KCNAB1: variants seen among roughly 807,000 people sequenced by gnomAD.
KCNAB1 encodes the protein potassium voltage-gated channel subfamily A regulatory beta subunit 1, also known as voltage-gated potassium channel subunit beta-1.
Under a neutral mutation model 64.6 loss-of-function variants are expected in KCNAB1, and 35 were observed. The ratio of observed to expected loss-of-function variants is 0.54; its 90% CI spans 0.41 to 0.72. The LOEUF is 0.72. Ranked by LOEUF, KCNAB1 falls within the 30% of genes least tolerant of loss-of-function variation. KCNAB1 has a pLI of 0.00. For synonymous variants in KCNAB1, 177 were observed against 183.8 expected (o/e 0.96, Z 0.30); for missense variants, 401 against 512.9 (o/e 0.78, Z 2.11).
intron 2 of KCNAB1, among the ~76,000 whole-genome samples, chr3:156,444,366 T>C (rs1576875288): frequency 6.6e-6 from 1 of 152,232 alleles, no homozygotes; most frequent in Non-Finnish European, 1.5e-5. Context: ...GGGATTCTAA[T>C]GCACCCTGAA....
At chr3:156,149,127 C>T (rs1715235853) in intron 1 of KCNAB1, among the ~76,000 whole-genome samples, 2 of 152,144 alleles carry the variant, frequency 1.3e-5, no homozygotes, top group African/African-American at 4.8e-5. Flanking sequence ...CATTAGCTTG[C>T]CCCAGTGTCC....
rs557280479 is a variant in KCNAB1, at chr3:156,527,087, A to T, written c.1081+3140A>T. Among the ~76,000 whole-genome samples the T allele has an allele frequency of 5.9e-5, 9 of 152,276 alleles. No individual in the cohort carries two copies. In the South Asian group the frequency reaches 1.9e-3, roughly 32 times the overall value. Reference sequence around the variant, plus strand: ...TGGGAGGTGATTTTAGAGGGGGGAAAATGCCATGTACCGTAGTATATGTAT... The same window carrying T: ...TGGGAGGTGATTTTAGAGGGGGGAATATGCCATGTACCGTAGTATATGTAT... On this transcript the variant is annotated intron_variant, in intron 12 of 13. Coordinates refer to ENST00000490337, the MANE Select transcript of KCNAB1 (RefSeq NM_172160.3).
intron 1 of KCNAB1, among the ~76,000 whole-genome samples, chr3:156,319,127 A>G (rs1460491118): frequency 6.6e-6 from 1 of 152,220 alleles, no homozygotes; most frequent in East Asian, 1.9e-4. Context: ...GCAAGGGAAC[A>G]TGGAACAACT....
intron 1 of KCNAB1, among the ~76,000 whole-genome samples, chr3:156,247,148 T>C (rs1259877064): frequency 6.6e-6 from 1 of 152,232 alleles, no homozygotes; most frequent in Non-Finnish European, 1.5e-5. Context: ...GTTGGCAGAC[T>C]GTCTGCCGAC....
chr3:156,237,005 T>C (rs1716891386), intron 1 of KCNAB1, among the ~76,000 whole-genome samples: 1 of 152,212 alleles, frequency 6.6e-6, no homozygotes, highest in Non-Finnish European at 1.5e-5. Flanking sequence ...CTCTTGAGTG[T>C]AGGCGATGAA....
intron 1 of KCNAB1, among the ~76,000 whole-genome samples, chr3:156,405,609 T>C (rs1207749769): frequency 6.6e-6 from 1 of 152,268 alleles, no homozygotes; most frequent in East Asian, 1.9e-4. Context: ...AACCATTATT[T>C]ATATTTTTAG....
rs537706484 is a variant in KCNAB1 at position 156,241,829 on chromosome 3, G to A, written c.275+120943G>A. Reference sequence around the variant, plus strand: ...ATAAACTTTCCAGTGTCTAAGAAAAGGTGACTGGGAAATAAATTTTTAAAA... The same window carrying A: ...ATAAACTTTCCAGTGTCTAAGAAAAAGTGACTGGGAAATAAATTTTTAAAA... On this transcript the variant is annotated intron_variant, in intron 1 of 13. Transcript: ENST00000490337. Among the ~76,000 whole-genome samples, 3 of 152,012 alleles carry A rather than the reference G, an allele frequency of 2.0e-5. No individual in the cohort carries two copies. The South Asian group carries it at 6.2e-4, about 32-fold the overall frequency.
At chr3:156,421,327 G>A in intron 1 of KCNAB1, among the ~76,000 whole-genome samples, 1 of 152,206 alleles carries the variant, frequency 6.6e-6, no homozygotes, top group Admixed American at 6.5e-5. Flanking sequence ...GAAGGAGAGA[G>A]AAAGCCAGTA....
intron 1 of KCNAB1, among the ~76,000 whole-genome samples, chr3:156,184,252 A>G (rs1713048428): frequency 6.6e-6 from 1 of 152,174 alleles, no homozygotes; most frequent in East Asian, 1.9e-4. Context: ...TCCTGCCTCT[A>G]TTCCGTAACC....
intron 1 of KCNAB1, among the ~76,000 whole-genome samples, chr3:156,221,547 G>A (rs919926657): frequency 1.3e-5 from 2 of 152,124 alleles, no homozygotes; most frequent in African/African-American, 4.8e-5. Flanking sequence ...GAGGGCTGAG[G>A]CGGGTGGATC....
intron 1 of KCNAB1, among the ~76,000 whole-genome samples, chr3:156,240,887 A>T (rs1717123325): frequency 6.6e-6 from 1 of 152,226 alleles, no homozygotes; most frequent in African/African-American, 2.4e-5. Context: ...GCAGTAATCG[A>T]GGGTGCGTTA....
intron 8 of KCNAB1, among the ~76,000 whole-genome samples, chr3:156,509,504 AATT>A (rs1483434394): frequency 6.6e-6 from 1 of 152,128 alleles, no homozygotes; most frequent in Non-Finnish European, 1.5e-5. Context: ...TGAGTTTTTA[AATT>A]ATTATCGATG....
chr3:156,432,562 G>A lies in KCNAB1; in HGVS notation c.319+10903G>A, dbSNP rs139661024. Among the ~76,000 whole-genome samples, 75 of 152,314 alleles carry A rather than the reference G, an allele frequency of 4.9e-4. 1 individual carries two copies. In the South Asian group the frequency reaches 9.1e-3, roughly 19 times the overall value. On this transcript the variant is annotated intron_variant, in intron 2 of 13. Coordinates refer to ENST00000490337, the MANE Select transcript of KCNAB1 (RefSeq NM_172160.3). ...CAACACATAATTATAGGAAATGGGT[G>A]ATGAGGTAATGAGCAATGGCTAAAT...
intron 1 of KCNAB1, among the ~76,000 whole-genome samples, chr3:156,149,492 T>C (rs1025531760): frequency 5.9e-5 from 9 of 152,136 alleles, no homozygotes; most frequent in African/African-American, 1.7e-4. Context: ...AGAGTTTTCA[T>C]TGATCATTAA....
At chr3:156,426,126 C>T (rs1017114540) in intron 2 of KCNAB1, among the ~76,000 whole-genome samples, 3 of 152,114 alleles carry the variant, frequency 2.0e-5, no homozygotes, top group Admixed American at 2.0e-4. Context: ...CTTGCTAAGC[C>T]ATTTAGCTCT....
At chr3:156,310,277 G>GA (rs1255987479) in intron 1 of KCNAB1, among the ~76,000 whole-genome samples, 2 of 152,194 alleles carry the variant, frequency 1.3e-5, no homozygotes, top group African/African-American at 4.8e-5. Context: ...GATGGTGATG[G>GA]AATGCCATCT....
chr3:156,210,516 C>T (rs1446535822), intron 1 of KCNAB1, among the ~76,000 whole-genome samples: 1 of 152,166 alleles, frequency 6.6e-6, no homozygotes, highest in Non-Finnish European at 1.5e-5. Flanking sequence ...ATGATATTTA[C>T]AAAACACTCG....
intron 8 of KCNAB1, among the ~76,000 whole-genome samples, chr3:156,493,362 T>A (rs533558185): frequency 2.0e-4 from 31 of 152,254 alleles, no homozygotes; most frequent in South Asian, 4.1e-4. Context: ...TTTCTTTTTT[T>A]AAAAAATGAA....
At chr3:156,279,737 A>G (rs1387770525) in intron 1 of KCNAB1, among the ~76,000 whole-genome samples, 2 of 151,914 alleles carry the variant, frequency 1.3e-5, no homozygotes, top group Non-Finnish European at 2.9e-5. Flanking sequence ...GCATTTTTTC[A>G]TTTGTTTTTT....
Sources: gnomAD v4.1 joint callset for allele counts (sites outside exome capture counted in the v4.1 genomes callset) on GRCh38, gnomAD v4.1.1 for gene constraint, MANE v1.5 for transcripts, NCBI Gene and HGNC (gene_info 2026-07-23, HGNC 2026-07-21) for gene names.